GRM1: variants seen among roughly 807,000 people sequenced by gnomAD.
GRM1 encodes glutamate metabotropic receptor 1, also known as metabotropic glutamate receptor 1.
In GRM1, 33 loss-of-function variants were observed where a neutral mutation model predicts 90.9. That is an observed-to-expected ratio of 0.36 (90% CI 0.28 to 0.49). GRM1 has a LOEUF of 0.49. GRM1 is among the 20% of genes least tolerant of loss of function. GRM1 has a pLI of 0.99. For missense variants in GRM1, 1,190 were observed against 1,534.3 expected, an observed-to-expected ratio of 0.78 and a Z score of 3.75; for synonymous variants, 700 against 613.2, an observed-to-expected ratio of 1.14 and a Z score of -2.09.
chr6:146,286,549 G>T (rs1048538843), intron 2 of GRM1, among the ~76,000 whole-genome samples: 1 of 152,120 alleles, frequency 6.6e-6, no homozygotes, highest in Non-Finnish European at 1.5e-5. Context: ...TGAATCACAG[G>T]AATCTTTGCA....
At chr6:146,160,246 C>A (rs1777674996) in intron 2 of GRM1, among the ~76,000 whole-genome samples, 1 of 152,094 alleles carries the variant, frequency 6.6e-6, no homozygotes. Flanking sequence ...TATAATATAT[C>A]ATCTTGTCAC....
At chr6:146,216,222 G>A (rs1779867404) in intron 2 of GRM1, among the ~76,000 whole-genome samples, 1 of 152,124 alleles carries the variant, frequency 6.6e-6, no homozygotes, top group South Asian at 2.1e-4. Context: ...ATACCATTGT[G>A]CCTTAATTTT....
intron 1 of GRM1, among the ~76,000 whole-genome samples, chr6:146,153,707 T>G (rs1777422918): frequency 6.6e-6 from 1 of 152,122 alleles, no homozygotes; most frequent in Non-Finnish European, 1.5e-5. Flanking sequence ...GGTGATGGGT[T>G]GATCTGTGCA....
Position 146,397,331 on chromosome 6 carries a change from G to A in GRM1, c.1730-1438G>A, listed in dbSNP as rs957865591. Among the ~76,000 whole-genome samples, 4 of 151,758 alleles carry A rather than the reference G, an allele frequency of 2.6e-5. 1 individual carries two copies. Among genetic ancestry groups the A allele is most frequent in the East Asian group, 3.9e-4 (2 of 5,148 alleles). On this transcript the variant is annotated intron_variant, in intron 6 of 7. Transcript: ENST00000282753. The stretch of plus-strand genomic sequence containing the variant: ...CTAGTAAAAATACAAAAAATTAGCC[G>A]GGCATGGTGGCGGGTGCCTGTAGCC...
At chr6:146,096,151 T>C (rs899270938) in intron 1 of GRM1, among the ~76,000 whole-genome samples, 1 of 152,166 alleles carries the variant, frequency 6.6e-6, no homozygotes. Context: ...TTTTGTAGTT[T>C]TGTTTTTTCA....
chr6:146,357,735 G>A, intron 5 of GRM1, 41 bp downstream of exon 5: 1 of 1,530,346 alleles, frequency 6.5e-7, no homozygotes, highest in Non-Finnish European at 9.1e-7. Context: ...CTGTGAGGAG[G>A]TTGGCTGCCT....
intron 1 of GRM1, among the ~76,000 whole-genome samples, chr6:146,095,104 AACCC>A (rs967977552): frequency 2.6e-5 from 4 of 152,250 alleles, no homozygotes; most frequent in Non-Finnish European, 4.4e-5. Context: ...AGTCTTAGAT[AACCC>A]TATAATGTCT....
At chr6:146,370,896 G>A (rs1775872210) in intron 5 of GRM1, among the ~76,000 whole-genome samples, 2 of 152,008 alleles carry the variant, frequency 1.3e-5, no homozygotes, top group African/African-American at 4.8e-5. Context: ...CTTAATATAT[G>A]TCAACTTTTT....
chr6:146,241,784 GAGAGATTTTATAT>G (rs1233807120), intron 2 of GRM1, among the ~76,000 whole-genome samples: 15 of 152,122 alleles, frequency 9.9e-5, no homozygotes, highest in Non-Finnish European at 2.1e-4. Flanking sequence ...CTTGGCAGAA[GAGAGATTTTATAT>G]AGAGATTTTA....
intron 1 of GRM1, among the ~76,000 whole-genome samples, chr6:146,111,044 G>C (rs939256681): frequency 4.6e-5 from 7 of 152,232 alleles, no homozygotes; most frequent in Admixed American, 1.3e-4. Context: ...GGCTGCAAGA[G>C]TGGTTGGCTA....
At chr6:146,227,439 T>C (rs1780281571) in intron 2 of GRM1, among the ~76,000 whole-genome samples, 1 of 152,202 alleles carries the variant, frequency 6.6e-6, no homozygotes, top group African/African-American at 2.4e-5. Context: ...TATAATGACA[T>C]GTGTCCAGCA....
intron 1 of GRM1, among the ~76,000 whole-genome samples, chr6:146,061,731 A>G (rs1426145768): frequency 1.3e-5 from 2 of 152,030 alleles, no homozygotes; most frequent in African/African-American, 2.4e-5. Flanking sequence ...CATCATCACT[A>G]TGATGATGAG....
At chr6:146,358,129 A>C (rs1455219438) in intron 5 of GRM1, among the ~76,000 whole-genome samples, 1 of 152,236 alleles carries the variant, frequency 6.6e-6, no homozygotes, top group Non-Finnish European at 1.5e-5. Context: ...CAGACTGCTT[A>C]TCATTTTCCG....
At chr6:146,207,753 C>G (rs1779544241) in intron 2 of GRM1, among the ~76,000 whole-genome samples, 1 of 152,126 alleles carries the variant, frequency 6.6e-6, no homozygotes, top group South Asian at 2.1e-4. Flanking sequence ...TATTTGGGGT[C>G]AAACAGACAT....
intron 2 of GRM1, among the ~76,000 whole-genome samples, chr6:146,180,903 G>A (rs563511910): frequency 2.0e-4 from 31 of 152,096 alleles, no homozygotes; most frequent in Non-Finnish European, 4.0e-4. Flanking sequence ...TTTAAAAGCG[G>A]ACCTTTCTGG....
intron 2 of GRM1, among the ~76,000 whole-genome samples, chr6:146,204,447 T>C (rs1229093193): frequency 6.6e-6 from 1 of 152,222 alleles, no homozygotes; most frequent in Non-Finnish European, 1.5e-5. Context: ...CCCATTTAAC[T>C]GTGCTTAAAA....
intron 2 of GRM1, among the ~76,000 whole-genome samples, chr6:146,210,544 A>C (rs1779654560): frequency 6.6e-6 from 1 of 152,106 alleles, no homozygotes; most frequent in South Asian, 2.1e-4. Context: ...TTGCAATGTC[A>C]GGGAGTGCTG....
At chr6:146,231,267 T>C (rs1233825014) in intron 2 of GRM1, among the ~76,000 whole-genome samples, 1 of 152,106 alleles carries the variant, frequency 6.6e-6, no homozygotes. Flanking sequence ...GGCAAGGCTA[T>C]ACAGGAAATC....
rs936645563 is a variant in GRM1, at chr6:146,103,199, G to A, written c.701-56149G>A. 3.9e-5 allele frequency among the ~76,000 whole-genome samples: 6 copies of A among 152,134 alleles called. No individual in the cohort carries two copies. In the South Asian group the frequency reaches 8.3e-4, roughly 21 times the overall value. On this transcript the variant is annotated intron_variant, in intron 1 of 7. Coordinates refer to ENST00000282753, the MANE Select transcript of GRM1 (RefSeq NM_001278064.2). ...GCATAATGATATAAGTATATTTGAC[G>A]GCATTGGAAATCCTAACCAGCATTA... is the stretch of plus-strand genomic sequence containing the variant.
Sources: gnomAD v4.1 joint callset for allele counts (sites outside exome capture counted in the v4.1 genomes callset) on GRCh38, gnomAD v4.1.1 for gene constraint, MANE v1.5 for transcripts, NCBI Gene and HGNC (gene_info 2026-07-23, HGNC 2026-07-21) for gene names.